The following OXTR variants were observed in gnomAD, a reference collection of about 807,000 sequenced individuals.
The protein encoded by OXTR is oxytocin receptor.
In OXTR, 19 loss-of-function variants were observed where a neutral mutation model predicts 23.9. The ratio of observed to expected loss-of-function variants is 0.80; its 90% CI spans 0.56 to 1.17. The LOEUF is 1.17. Ranked by LOEUF, OXTR falls within the 50% of genes most tolerant of loss-of-function variation. The pLI is 0.00. For missense variants in OXTR, 500 were observed against 550.7 expected (o/e 0.91, Z 0.92); for synonymous variants, 278 against 250.5 (o/e 1.11, Z -1.04).
downstream of OXTR, among the ~76,000 whole-genome samples, chr3:8,748,327 C>T (rs907392176): frequency 3.3e-5 from 5 of 152,208 alleles, no homozygotes; most frequent in Admixed American, 6.5e-5. Context: ...CACTGTGGTT[C>T]AGAGCAGATT....
downstream of OXTR, chr3:8,745,684 G>C: frequency 6.2e-7 from 1 of 1,614,174 alleles, no homozygotes. The surrounding 1 kb of genome is among the most constrained non-coding windows in gnomAD (Gnocchi z 4.8). Flanking sequence ...GGGGCTTCCT[G>C]TTCGCCTGCA....
chr3:8,752,845 G>T lies in OXTR; in HGVS notation c.*132C>A, dbSNP rs935459245. ...GGAGGCCACTCTCCACCCCACTGAA[G>T]CCACCCCAAGGAGGGGAGGGATACA... On this transcript the variant is annotated 3_prime_UTR_variant, in exon 4 of 4. Transcript: ENST00000316793. The T allele has an allele frequency of 1.0e-6, 1 of 993,754 alleles. No homozygotes were observed. The highest frequency in any genetic ancestry group is 1.4e-6 in the Non-Finnish European group (1 of 696,380). The allele number at this position is 993,754 out of a possible 1,614,324, so 61.6% of individuals were successfully genotyped here. A position where few individuals can be genotyped will look rare whatever the true frequency, so the allele number is the denominator to read the frequency against.
rs556285845 is a variant in OXTR, at chr3:8,760,740, G to A, written c.922+6526C>T. Among the ~76,000 whole-genome samples the A allele has an allele frequency of 7.9e-5, 12 of 152,322 alleles. No homozygotes were observed. In the South Asian group the frequency reaches 2.5e-3, roughly 32 times the overall value. ...GATGGGAATCCGTGGAAGAAACTGG[G>A]GTGGGCGTTCCCATGGCAGGAACAG... is the stretch of plus-strand genomic sequence containing the variant. On this transcript the variant is annotated intron_variant, in intron 3 of 3. Coordinates refer to ENST00000316793, the MANE Select transcript of OXTR (RefSeq NM_000916.4).
At position 8,750,646 on chromosome 3, in the gene OXTR, T is replaced by C. The variant is rs917057987; in HGVS notation, c.*2331A>G. 8 of 152,226 alleles carry C rather than the reference T, an allele frequency of 5.3e-5. No homozygotes were observed. The highest frequency in any genetic ancestry group is 1.9e-4 in the African/African-American group (8 of 41,458). 9.4% of individuals were successfully genotyped at this position (152,226 alleles called of 1,614,324 possible). A position where few individuals can be genotyped will look rare whatever the true frequency, so the allele number is the denominator to read the frequency against. On this transcript the variant is annotated 3_prime_UTR_variant, in exon 4 of 4. Coordinates refer to ENST00000316793, the MANE Select transcript of OXTR (RefSeq NM_000916.4). ...ATGCAGTCAGACAATATGTGGGCTTTTGCACCTGGCTTCTTTCACTTAGCA... is the reference window on the plus strand; with the variant it reads ...ATGCAGTCAGACAATATGTGGGCTTCTGCACCTGGCTTCTTTCACTTAGCA...
downstream of OXTR, chr3:8,746,020 G>GAA (rs1002941288): frequency 5.1e-5 from 32 of 628,540 alleles, no homozygotes; most frequent in Non-Finnish European, 7.9e-5. Context: ...AAGCCAGAAA[G>GAA]AAAAGACGGC....
intron 3 of OXTR, among the ~76,000 whole-genome samples, chr3:8,766,802 G>A (rs556424428): frequency 3.9e-5 from 6 of 152,158 alleles, no homozygotes; most frequent in Non-Finnish European, 7.3e-5. Flanking sequence ...TGGATTTCTT[G>A]AACTTAAAGT....
intron 3 of OXTR, among the ~76,000 whole-genome samples, chr3:8,755,915 C>T (rs1308975281): frequency 2.0e-5 from 3 of 152,140 alleles, no homozygotes; most frequent in East Asian, 1.9e-4. Context: ...GCCAAGATCA[C>T]TCAGGGACTT....
chr3:8,767,546 G>T lies in OXTR; in HGVS notation c.642C>A (p.Ile214=), dbSNP rs1424666216. 1 of 1,613,290 alleles carries T rather than the reference G, an allele frequency of 6.2e-7. No individual in the cohort carries two copies. The highest frequency in any genetic ancestry group is 8.5e-7 in the Non-Finnish European group (1 of 1,179,710). ...ITLAVYIVPV[I]VLAACYGLIS... is the part of the protein sequence containing the mutation. ...TAAGGCCGTAGCAGGCAGCGAGCAC[G>T]ATGACCGGCACGATGTAGACAGCTA... The change falls in exon 3 of 4, where the codon ATC becomes ATA. Residue 214 remains isoleucine (I), a synonymous_variant. Coordinates refer to ENST00000316793, the MANE Select transcript of OXTR (RefSeq NM_000916.4).
At chr3:8,747,393 C>G (rs1708190126), downstream of OXTR, among the ~76,000 whole-genome samples, 1 of 152,130 alleles carries the variant, frequency 6.6e-6, no homozygotes, top group African/African-American at 2.4e-5. Context: ...AGCTACATAC[C>G]CATCTTGGCT....
chr3:8,741,891 C>T, the OXTR span, among the ~76,000 whole-genome samples: 10 of 152,172 alleles, frequency 6.6e-5, no homozygotes, highest in African/African-American at 1.9e-4. Flanking sequence ...GGGTCTCTTG[C>T]TGTTCCAAAA....
rs1315175260 is a variant in OXTR, at chr3:8,767,905, G to A, written c.283C>T (p.Pro95Ser). Residue 95 changes from proline to serine, a missense_variant, in exon 3 of 4, where the codon CCG (proline) becomes TCG (serine). Transcript: ENST00000316793. ...AAGGTGATGTCCCACAGCAACTGCG[G>A]CAGCACCTGAAACACTGCCACCACC... The part of the protein sequence containing the change: ...DLVVAVFQVL[P>S]QLLWDITFRF... 6.2e-7 allele frequency: 1 copy of A among 1,613,720 alleles called. No homozygotes were observed. Among genetic ancestry groups the A allele is most frequent in the Non-Finnish European group, 8.5e-7 (1 of 1,179,878 alleles).
chr3:8,758,990 G>A (rs2124999905), intron 3 of OXTR, among the ~76,000 whole-genome samples: 1 of 152,320 alleles, frequency 6.6e-6, no homozygotes, highest in South Asian at 2.1e-4. Context: ...TGGCTACAGG[G>A]CATCTGATAG....
At chr3:8,743,853 T>C in the OXTR span, among the ~76,000 whole-genome samples, 1 of 152,250 alleles carries the variant, frequency 6.6e-6, no homozygotes, top group Non-Finnish European at 1.5e-5. Context: ...TCTTTAGTAA[T>C]AGAGAAGTAC....
intron 3 of OXTR, among the ~76,000 whole-genome samples, chr3:8,755,344 G>A (rs189638580): frequency 1.1e-4 from 16 of 152,344 alleles, no homozygotes; most frequent in African/African-American, 3.8e-4. Flanking sequence ...ATAAAGCTTT[G>A]CAATGAGGTA....
chr3:8,741,646 C>A, the OXTR span, among the ~76,000 whole-genome samples: 2 of 152,164 alleles, frequency 1.3e-5, no homozygotes, highest in African/African-American at 4.8e-5. Flanking sequence ...GGACCATATA[C>A]CTCCCCACCC....
intron 3 of OXTR, among the ~76,000 whole-genome samples, chr3:8,753,693 CTTT>C (rs943308548): frequency 6.6e-6 from 1 of 152,196 alleles, no homozygotes; most frequent in Admixed American, 6.5e-5. Context: ...GTTTCCTAAT[CTTT>C]AAATGGGCAT....
rs201847701 is a variant in OXTR, at chr3:8,768,353, G to A, written c.-142-24C>T. 4 of 1,104,600 alleles carry A rather than the reference G, an allele frequency of 3.6e-6. No individual in the cohort carries two copies. Among genetic ancestry groups the A allele is most frequent in the Non-Finnish European group, 4.5e-6 (4 of 879,716 alleles). The allele number at this position is 1,104,600 out of a possible 1,614,324, so 68.4% of individuals were successfully genotyped here. A position where few individuals can be genotyped will look rare whatever the true frequency, so the allele number is the denominator to read the frequency against. ...CCCTGAAACAAACCGGGAGGGCCGT[G>A]AGGAGACCGCCGCGTTTCTCTTCCG... On this transcript the variant is annotated intron_variant, in intron 2 of 3. Coordinates refer to ENST00000316793, the MANE Select transcript of OXTR (RefSeq NM_000916.4). This position sits in a 1 kb window ranked among gnomAD's most constrained non-coding sequence, Gnocchi z 5.4.
At chr3:8,745,931 C>A, downstream of OXTR, 1 of 1,356,956 alleles carries the variant, frequency 7.4e-7, no homozygotes. The surrounding 1 kb of genome is among the most constrained non-coding windows in gnomAD (Gnocchi z 4.8). Context: ...CCCCGGGGGA[C>A]TTCTTCACAG....
rs946540047 is a variant in OXTR, at chr3:8,765,030, T to C, written c.922+2236A>G. On this transcript the variant is annotated intron_variant, in intron 3 of 3. Coordinates refer to ENST00000316793, the MANE Select transcript of OXTR (RefSeq NM_000916.4). ...GGCTTCAGCAGGAGCCCGTCTCTAC[T>C]GAAGGTCTGGTCCCCAGGAAAATCC... is the stretch of plus-strand genomic sequence containing the variant. Among the ~76,000 whole-genome samples the C allele has an allele frequency of 3.3e-5, 5 of 152,218 alleles. No homozygotes were observed. The East Asian group carries it at 7.7e-4, about 23-fold the overall frequency.
Sources: allele counts gnomAD v4.1 joint callset (sites outside exome capture counted in the v4.1 genomes callset), GRCh38; gene constraint gnomAD v4.1.1; non-coding constraint Gnocchi (gnomAD v3.1); transcripts MANE v1.5; gene names NCBI Gene and HGNC (gene_info 2026-07-23, HGNC 2026-07-21).